Variants in DNAH12 observed in about 807,000 individuals in gnomAD.
The protein encoded by DNAH12 is axonemal beta dynein heavy chain 12.
In DNAH12, 285 loss-of-function variants were observed where a neutral mutation model predicts 371.5. The observed-to-expected ratio is 0.77, with a 90% CI of 0.70 to 0.85. DNAH12 has a LOEUF of 0.85. Among genes scored for constraint, DNAH12 ranks in the 40% least tolerant of loss-of-function variants. DNAH12 has a pLI of 0.00. For missense variants in DNAH12, 3,611 were observed against 3,689.4 expected (o/e 0.98, Z 0.55); for synonymous variants, 1,200 against 1,213.0 (o/e 0.99, Z 0.22).
Position 57,371,941 on chromosome 3 carries a change from C to CAAAAAAAAAAAAAAAAAAAA in DNAH12, c.8759+3410_8759+3429dup, listed in dbSNP as rs1169602185. 7.7e-4 allele frequency among the ~76,000 whole-genome samples: 20 copies of CAAAAAAAAAAAAAAAAAAAA among 25,856 alleles called. 1 individual carries two copies. The highest frequency in any genetic ancestry group is 1.6e-3 in the South Asian group (1 of 626). 17.0% of individuals were successfully genotyped at this position (25,856 alleles called of 152,430 possible). On this transcript the variant is annotated intron_variant, in intron 55 of 73. Coordinates refer to ENST00000495027, the MANE Select transcript of DNAH12 (RefSeq NM_001366028.2). ...TGTCAACCCAGAATTCTAAACTCAG[C>CAAAAAAAAAAAAAAAAAAAA]AAAAAAAAAAAAAAAAAAAAAAAAT...
chr3:57,450,249 T>TGAAAAAAAAAA (rs1559675073), intron 25 of DNAH12, among the ~76,000 whole-genome samples: 1 of 15,984 alleles, frequency 6.3e-5, no homozygotes, highest in Non-Finnish European at 1.4e-4. Context: ...CTGTCTCAAT[T>TGAAAAAAAAAA]TAAAAAAAAA....
intron 37 of DNAH12, among the ~76,000 whole-genome samples, chr3:57,415,877 C>G (rs2153357861): frequency 6.6e-6 from 1 of 151,006 alleles, no homozygotes; most frequent in East Asian, 1.9e-4. Context: ...CAACCTCCAC[C>G]TCCCAGGTTC....
intron 60 of DNAH12, among the ~76,000 whole-genome samples, chr3:57,338,953 A>G (rs1475840811): frequency 6.6e-6 from 1 of 152,256 alleles, no homozygotes; most frequent in African/African-American, 2.4e-5. Flanking sequence ...AAATGTAGGG[A>G]AAAGAAAGAG....
chr3:57,297,557 T>C (rs1209034082), intron 70 of DNAH12, among the ~76,000 whole-genome samples: 1 of 152,048 alleles, frequency 6.6e-6, no homozygotes, highest in Non-Finnish European at 1.5e-5. Flanking sequence ...GGTTTCAGCA[T>C]GTTGGCCAGG....
chr3:57,309,532 G>GATA, intron 68 of DNAH12, 134 bp downstream of exon 68: 1 of 886,600 alleles, frequency 1.1e-6, no homozygotes, highest in Non-Finnish European at 1.6e-6. Context: ...CCATTTAACG[G>GATA]ATTTGGAGGC....
chr3:57,308,656 T>TC (rs1215924097), intron 69 of DNAH12, among the ~76,000 whole-genome samples: 2 of 152,144 alleles, frequency 1.3e-5, no homozygotes, highest in African/African-American at 4.8e-5. Context: ...TTACACTGTT[T>TC]TCCAAGCCAT....
At chr3:57,438,470 A>T (rs1304010104) in intron 29 of DNAH12, among the ~76,000 whole-genome samples, 1 of 152,240 alleles carries the variant, frequency 6.6e-6, no homozygotes, top group African/African-American at 2.4e-5. Context: ...AAGGCATCCA[A>T]ATAGAAAAAG....
chr3:57,441,121 GACAAT>G (rs2065291528), intron 29 of DNAH12, among the ~76,000 whole-genome samples: 2 of 151,942 alleles, frequency 1.3e-5, no homozygotes, highest in African/African-American at 4.8e-5. Flanking sequence ...ATAAGAACTT[GACAAT>G]ACATTTACAA....
At chr3:57,436,446 G>A (rs765742679) in intron 30 of DNAH12, among the ~76,000 whole-genome samples, 2 of 152,140 alleles carry the variant, frequency 1.3e-5, no homozygotes, top group Non-Finnish European at 2.9e-5. Context: ...TACAGTGTTG[G>A]CTGTGTCTTC....
intron 68 of DNAH12, 55 bp from the exon 69 acceptor site, chr3:57,309,309 T>A: frequency 7.4e-7 from 1 of 1,352,010 alleles, no homozygotes; most frequent in Non-Finnish European, 1.0e-6. Flanking sequence ...ATAATTAGCT[T>A]AATTCAGCCA....
At chr3:57,449,333 C>T (rs376541157) in intron 25 of DNAH12, among the ~76,000 whole-genome samples, 2 of 152,368 alleles carry the variant, frequency 1.3e-5, no homozygotes, top group East Asian at 3.9e-4. Context: ...GCCAGTCCCA[C>T]GCTGTGCGCT....
At chr3:57,539,615 CTTT>C (rs11359818) in intron 2 of DNAH12, among the ~76,000 whole-genome samples, 7 of 128,798 alleles carry the variant, frequency 5.4e-5, no homozygotes, top group Non-Finnish European at 6.3e-5. Flanking sequence ...TTTCCTTTTC[CTTT>C]TTTTTTTTTT....
intron 59 of DNAH12, among the ~76,000 whole-genome samples, chr3:57,354,867 A>G (rs2062761809): frequency 6.6e-6 from 1 of 152,232 alleles, no homozygotes; most frequent in Non-Finnish European, 1.5e-5. Context: ...AAAAAAGCCA[A>G]TCTCAAAACA....
chr3:57,501,470 CTTTT>C, intron 10 of DNAH12, 58 bp from the exon 11 acceptor site: 1 of 1,285,442 alleles, frequency 7.8e-7, no homozygotes. Context: ...AGATAAAACA[CTTTT>C]TTTATATGAT....
chr3:57,325,132 T>C (rs559004644), intron 62 of DNAH12, among the ~76,000 whole-genome samples: 1 of 152,224 alleles, frequency 6.6e-6, no homozygotes, highest in Non-Finnish European at 1.5e-5. Flanking sequence ...AGGCTCCACC[T>C]CTGGGGGCAG....
Position 57,449,985 on chromosome 3 carries a change from C to T in DNAH12, c.3786+2858G>A, listed in dbSNP as rs2065701410. Among the ~76,000 whole-genome samples, 3 of 152,320 alleles carry T rather than the reference C, an allele frequency of 2.0e-5. No individual in the cohort carries two copies. In the South Asian group the frequency reaches 6.2e-4, roughly 32 times the overall value. On this transcript the variant is annotated intron_variant, in intron 25 of 73. Transcript: ENST00000495027. ...GATCCCGGGTGGGCACAGTGGCTCA[C>T]ACCCGTAATCCCAACACTTTGGGAG... is the stretch of plus-strand genomic sequence containing the variant.
the DNAH12 span, among the ~76,000 whole-genome samples, chr3:57,553,397 C>G: frequency 4.0e-3 from 607 of 152,228 alleles, 2 homozygotes; most frequent in African/African-American, 0.013. Flanking sequence ...ATTTACATAC[C>G]AGGTATAGAG....
chr3:57,384,538 G>A (rs2063461922), intron 49 of DNAH12, among the ~76,000 whole-genome samples: 14 of 152,078 alleles, frequency 9.2e-5, no homozygotes, highest in Non-Finnish European at 7.4e-5. Flanking sequence ...TAGTTACTGA[G>A]GAGGCTAAGG....
intron 31 of DNAH12, 63 bp downstream of exon 31, chr3:57,433,582 C>T: frequency 6.5e-7 from 1 of 1,533,206 alleles, no homozygotes; most frequent in Admixed American, 2.1e-5. Context: ...GAAAATACTT[C>T]ACGTTTCTTG....
Sources: gnomAD v4.1 joint callset for allele counts (sites outside exome capture counted in the v4.1 genomes callset) on GRCh38, gnomAD v4.1.1 for gene constraint, MANE v1.5 for transcripts, NCBI Gene and HGNC (gene_info 2026-07-23, HGNC 2026-07-21) for gene names.